ZBTB20: variants seen among roughly 807,000 people sequenced by gnomAD.
The protein encoded by ZBTB20 is zinc finger and BTB domain containing 20.
ZBTB20 carries 9 observed loss-of-function variants against 56.9 expected under a neutral mutation model. The ratio of observed to expected loss-of-function variants is 0.16; its 90% CI spans 0.10 to 0.28. The LOEUF is 0.28. ZBTB20 is among the 10% of genes least tolerant of loss of function. ZBTB20 has a pLI of 1.00. For missense variants in ZBTB20, 655 were observed against 1,003.0 expected (o/e 0.65, Z 4.69); for synonymous variants, 417 against 420.7 (o/e 0.99, Z 0.11).
intron 5 of ZBTB20, among the ~76,000 whole-genome samples, chr3:114,760,822 G>GGCTTCTACT (rs1316664202): frequency 6.6e-6 from 1 of 152,076 alleles, no homozygotes. Context: ...ACTATGGGCA[G>GGCTTCTACT]GCTTCTACTG....
intron 6 of ZBTB20, among the ~76,000 whole-genome samples, chr3:114,644,375 A>C (rs1461196633): frequency 6.6e-6 from 1 of 152,144 alleles, no homozygotes; most frequent in Non-Finnish European, 1.5e-5. Context: ...CACCAAGGGC[A>C]GAATAGAGAG....
At chr3:115,113,127 C>T (rs944712912) in intron 1 of ZBTB20, among the ~76,000 whole-genome samples, 4 of 152,130 alleles carry the variant, frequency 2.6e-5, no homozygotes, top group African/African-American at 9.7e-5. Context: ...CCTTTGCCCA[C>T]TTTTTAATGC....
At chr3:114,625,167 G>A (rs780637634) in intron 6 of ZBTB20, among the ~76,000 whole-genome samples, 59 of 151,832 alleles carry the variant, frequency 3.9e-4, no homozygotes, top group Non-Finnish European at 7.8e-4. Flanking sequence ...AGGTCAAAAT[G>A]AAAGCGCCTC....
intron 6 of ZBTB20, among the ~76,000 whole-genome samples, chr3:114,665,753 A>G (rs1578231384): frequency 2.0e-5 from 3 of 152,178 alleles, no homozygotes; most frequent in South Asian, 2.1e-4. Context: ...GCGGTATTAT[A>G]ACAATTCATT....
At chr3:114,718,124 T>G (rs78349586) in intron 5 of ZBTB20, among the ~76,000 whole-genome samples, 100 of 152,276 alleles carry the variant, frequency 6.6e-4, no homozygotes, top group South Asian at 1.2e-3. Context: ...GAAGCTTTTT[T>G]ATTCCACATA....
intron 5 of ZBTB20, among the ~76,000 whole-genome samples, chr3:114,702,934 T>G (rs1338643698): frequency 1.3e-5 from 2 of 151,768 alleles, no homozygotes; most frequent in Non-Finnish European, 2.9e-5. Context: ...ATTTATAAAT[T>G]GAAAAGTATA....
At chr3:114,933,962 T>G (rs80146237) in intron 3 of ZBTB20, among the ~76,000 whole-genome samples, 255 of 152,318 alleles carry the variant, frequency 1.7e-3, no homozygotes, top group African/African-American at 5.7e-3. Flanking sequence ...TCCATTGCAC[T>G]GCATTCAGAA....
intron 6 of ZBTB20, among the ~76,000 whole-genome samples, chr3:114,535,747 A>T (rs1056732816): frequency 3.3e-5 from 5 of 152,324 alleles, no homozygotes; most frequent in Middle Eastern, 3.4e-3. Flanking sequence ...TCCTCGATAA[A>T]ATACTGGCAA....
At chr3:114,906,808 AG>A (rs2075336150) in intron 3 of ZBTB20, among the ~76,000 whole-genome samples, 1 of 151,682 alleles carries the variant, frequency 6.6e-6, no homozygotes, top group Non-Finnish European at 1.5e-5. Context: ...TGCAGAGAAA[AG>A]TAAGTTGGTG....
chr3:114,813,082 C>T (rs1211343138), intron 4 of ZBTB20, among the ~76,000 whole-genome samples: 1 of 152,238 alleles, frequency 6.6e-6, no homozygotes, highest in South Asian at 2.1e-4. Context: ...CGGCCTTGGC[C>T]AGCCCAGAAA....
At chr3:114,964,712 G>T (rs911227757) in intron 3 of ZBTB20, among the ~76,000 whole-genome samples, 1 of 152,146 alleles carries the variant, frequency 6.6e-6, no homozygotes, top group Non-Finnish European at 1.5e-5. Context: ...GATGGGAAGA[G>T]ATATGGGAGT....
At chr3:114,743,117 C>T (rs896265033) in intron 5 of ZBTB20, among the ~76,000 whole-genome samples, 10 of 152,054 alleles carry the variant, frequency 6.6e-5, no homozygotes, top group Non-Finnish European at 1.5e-4. Context: ...CAAAGAGAAA[C>T]CTGTTCATAT....
At chr3:114,459,802 C>T (rs1288523073) in intron 7 of ZBTB20, among the ~76,000 whole-genome samples, 2 of 151,902 alleles carry the variant, frequency 1.3e-5, no homozygotes, top group Non-Finnish European at 2.9e-5. Context: ...ATAGTATCGC[C>T]ACTATTTTTA....
intron 4 of ZBTB20, among the ~76,000 whole-genome samples, chr3:114,830,215 A>G (rs2073771930): frequency 6.6e-6 from 1 of 151,942 alleles, no homozygotes; most frequent in African/African-American, 2.4e-5. Context: ...CTTTAAGAAG[A>G]CACAATAAGC....
rs371798134 is a variant in ZBTB20 at position 114,548,756 on chromosome 3, T to A, written c.-294-48365A>T. 1.4e-4 allele frequency among the ~76,000 whole-genome samples: 22 copies of A among 152,260 alleles called. 1 individual carries two copies. Among genetic ancestry groups the A allele is most frequent in the African/African-American group, 5.3e-4 (22 of 41,566 alleles). On this transcript the variant is annotated intron_variant, in intron 6 of 11. Coordinates refer to ENST00000675478, the MANE Select transcript of ZBTB20 (RefSeq NM_001348800.3). ...CTGGTCTCAAATGCCTGGCCTCAAG[T>A]GATCCACCTGCCTCAGCCTCCTAAA...
At chr3:114,370,957 G>T (rs1399088862) in intron 10 of ZBTB20, among the ~76,000 whole-genome samples, 1 of 152,140 alleles carries the variant, frequency 6.6e-6, no homozygotes, top group African/African-American at 2.4e-5. Context: ...TGTTGCACCT[G>T]GATCCTCCCC....
intron 3 of ZBTB20, among the ~76,000 whole-genome samples, chr3:114,902,390 T>C (rs979026797): frequency 2.0e-5 from 3 of 152,144 alleles, no homozygotes; most frequent in South Asian, 2.1e-4. Flanking sequence ...CTTACCCTCA[T>C]TGAGCTAACA....
At chr3:115,049,254 G>C (rs1302604120) in intron 2 of ZBTB20, among the ~76,000 whole-genome samples, 1 of 152,044 alleles carries the variant, frequency 6.6e-6, no homozygotes, top group Non-Finnish European at 1.5e-5. Context: ...AAAATGTCCA[G>C]TGCCCAGCCT....
chr3:114,360,858 C>T (rs943040220), intron 10 of ZBTB20, among the ~76,000 whole-genome samples: 7 of 151,650 alleles, frequency 4.6e-5, no homozygotes, highest in East Asian at 1.9e-4. Flanking sequence ...GAACCAGGCA[C>T]GGGAAATCAT....
Sources: allele counts gnomAD v4.1 joint callset (sites outside exome capture counted in the v4.1 genomes callset), GRCh38; gene constraint gnomAD v4.1.1; transcripts MANE v1.5; gene names NCBI Gene and HGNC (gene_info 2026-07-23, HGNC 2026-07-21).